The following TBC1D23 variants were observed in gnomAD, a reference collection of about 807,000 sequenced individuals.
The protein encoded by TBC1D23 is TBC1 domain family member 23.
A neutral mutation model predicts 91.4 loss-of-function variants in TBC1D23; 55 were observed. That is an observed-to-expected ratio of 0.60 (90% CI 0.48 to 0.75). TBC1D23 has a LOEUF of 0.75. Among genes scored for constraint, TBC1D23 ranks in the 30% least tolerant of loss-of-function variants. The probability of loss-of-function intolerance (pLI) is 0.00; values close to 1 mark genes in which losing one functional copy is unlikely to be tolerated. For synonymous variants in TBC1D23, 289 were observed against 281.0 expected (o/e 1.03, Z -0.28); for missense variants, 725 against 836.1 (o/e 0.87, Z 1.64).
intron 1 of TBC1D23, among the ~76,000 whole-genome samples, chr3:100,277,482 A>G (rs903607416): frequency 2.6e-5 from 4 of 152,212 alleles, no homozygotes; most frequent in African/African-American, 7.2e-5. Flanking sequence ...CAGCAGCTGT[A>G]TCAACAGAGA....
Position 100,299,244 on chromosome 3 carries a change from A to C in TBC1D23, c.1005A>C (p.Gly335=), listed in dbSNP as rs1329170687. The change falls in exon 10 of 19, where the codon GGA becomes GGC. Residue 335 remains glycine, a synonymous_variant. Transcript: ENST00000394144. ...AAATGTTGTTTCCGTTTTAGGAAGG[A>C]GTCCGGTTCTTTGTGGTGGATTGCC... The part of the protein sequence containing the change: ...ILQANQLQGE[G]VRFFVVDCRP... 5.6e-6 allele frequency: 9 copies of C among 1,609,972 alleles called. No individual in the cohort carries two copies. Among genetic ancestry groups the C allele is most frequent in the Non-Finnish European group, 7.6e-6 (9 of 1,177,166 alleles).
intron 13 of TBC1D23, among the ~76,000 whole-genome samples, chr3:100,309,780 T>C (rs1295261159): frequency 6.6e-6 from 1 of 151,800 alleles, no homozygotes; most frequent in African/African-American, 2.4e-5. Flanking sequence ...CCGGCTAATT[T>C]TTGTACTTTT....
chr3:100,273,199 G>A (rs1414926522), intron 1 of TBC1D23, among the ~76,000 whole-genome samples: 1 of 152,188 alleles, frequency 6.6e-6, no homozygotes, highest in Non-Finnish European at 1.5e-5. Context: ...CTTGAGATTA[G>A]GGAGTGGTGA....
chr3:100,319,042 A>C, intron 16 of TBC1D23, 27 bp from the exon 17 acceptor site: 1 of 1,421,246 alleles, frequency 7.0e-7, no homozygotes, highest in Non-Finnish European at 9.7e-7. Context: ...GGTAATATCC[A>C]TATTTAATAC....
chr3:100,309,573 T>C (rs1415791771), intron 13 of TBC1D23, among the ~76,000 whole-genome samples: 1 of 150,966 alleles, frequency 6.6e-6, no homozygotes, highest in East Asian at 2.0e-4. Flanking sequence ...CACGCACATA[T>C]ATGTGCAAGT....
chr3:100,302,886 C>A (rs149788006), intron 11 of TBC1D23, among the ~76,000 whole-genome samples: 28 of 152,266 alleles, frequency 1.8e-4, no homozygotes, highest in African/African-American at 5.8e-4. Flanking sequence ...CTGTGCCTGG[C>A]CTATTATGTT....
chr3:100,309,400 C>T (rs1705577009), intron 13 of TBC1D23, among the ~76,000 whole-genome samples: 1 of 152,078 alleles, frequency 6.6e-6, no homozygotes, highest in Non-Finnish European at 1.5e-5. Flanking sequence ...ATAGTTTTAA[C>T]TATTTCTTAT....
intron 4 of TBC1D23, among the ~76,000 whole-genome samples, chr3:100,290,009 T>C (rs1449252504): frequency 6.6e-6 from 1 of 152,214 alleles, no homozygotes; most frequent in Non-Finnish European, 1.5e-5. Flanking sequence ...TCCATTTTGC[T>C]CTCACAATAA....
At chr3:100,313,655 C>T (rs561611945) in intron 15 of TBC1D23, among the ~76,000 whole-genome samples, 2 of 152,102 alleles carry the variant, frequency 1.3e-5, no homozygotes, top group African/African-American at 4.8e-5. Context: ...AATGCTTATT[C>T]GCTGTAAACA....
intron 1 of TBC1D23, among the ~76,000 whole-genome samples, chr3:100,262,739 AAAAAAAC>A (rs2067523247): frequency 6.6e-6 from 1 of 151,500 alleles, no homozygotes; most frequent in African/African-American, 2.4e-5. Flanking sequence ...AAAAAAAAAA[AAAAAAAC>A]ACTAAAAAGA....
intron 1 of TBC1D23, among the ~76,000 whole-genome samples, chr3:100,275,507 C>G (rs1193664252): frequency 2.0e-5 from 3 of 152,154 alleles, no homozygotes; most frequent in African/African-American, 7.2e-5. Flanking sequence ...AGGCTGGTCT[C>G]AAACTCCTGG....
At chr3:100,296,725 T>G (rs2148862303) in intron 8 of TBC1D23, among the ~76,000 whole-genome samples, 1 of 151,770 alleles carries the variant, frequency 6.6e-6, no homozygotes, top group Non-Finnish European at 1.5e-5. Context: ...CCGGGCGTGG[T>G]GGTGGGCGCC....
In TBC1D23 at chr3:100,283,796, A is replaced by G. The variant is rs1232731263; in HGVS notation, c.461A>G (p.Asn154Ser). 3.1e-6 allele frequency: 5 copies of G among 1,605,832 alleles called. No homozygotes were observed. The highest frequency in any genetic ancestry group is 1.1e-5 in the South Asian group (1 of 90,892). ...DLYNCFYAIM[N>S]KYIPRDCSQK... is the part of the protein sequence containing the mutation. ...TACAACTGCTTTTATGCCATAATGA[A>G]TAAGTACATTCCCAGGTAAAATATG... Residue 154 changes from asparagine to serine, a missense_variant, in exon 4 of 19, where the codon AAT (asparagine) becomes AGT (serine). By Grantham distance (46) the Asn-to-Ser change is conservative. Transcript: ENST00000394144.
At chr3:100,279,819 T>C in intron 2 of TBC1D23, 59 bp downstream of exon 2, 1 of 1,130,148 alleles carries the variant, frequency 8.8e-7, no homozygotes, top group Non-Finnish European at 1.3e-6. Context: ...TTTTAAAAGT[T>C]TGTTGCTTCA....
chr3:100,283,889 T>G (rs1009250027), intron 4 of TBC1D23, 78 bp downstream of exon 4: 2 of 788,588 alleles, frequency 2.5e-6, no homozygotes, highest in African/African-American at 3.5e-5. Context: ...TTGCTAGATT[T>G]ACTTTGGCGG....
At chr3:100,270,660 G>T (rs187275374) in intron 1 of TBC1D23, among the ~76,000 whole-genome samples, 109 of 152,140 alleles carry the variant, frequency 7.2e-4, no homozygotes, top group Non-Finnish European at 1.2e-3. Context: ...GTTTTCTCTT[G>T]GCTCTGTTTA....
chr3:100,296,198 C>G lies in TBC1D23; in HGVS notation c.799C>G (p.Leu267Val), dbSNP rs764786431. Residue 267 changes from leucine (L) to valine (V), a missense_variant, in exon 8 of 19, where the codon CTG (leucine) becomes GTG (valine). By Grantham distance (32) the Leu-to-Val change is conservative (BLOSUM62 1). Transcript: ENST00000394144. ...IKFLENTPSS[L>V]NIEDIEDLFS... Reference sequence around the variant, plus strand: ...GTTCTTGGAAAATACTCCATCCAGTCTGAATATAGAAGATATAGAAGACCT... The same window carrying G: ...GTTCTTGGAAAATACTCCATCCAGTGTGAATATAGAAGATATAGAAGACCT... 6.3e-7 allele frequency: 1 copy of G among 1,592,030 alleles called. No homozygotes were observed. Among genetic ancestry groups the G allele is most frequent in the South Asian group, 1.1e-5 (1 of 87,196 alleles).
Position 100,295,300 on chromosome 3 carries a change from A to C in TBC1D23, c.726-2A>C. 6.2e-7 allele frequency: 1 copy of C among 1,610,584 alleles called. No individual in the cohort carries two copies. On this transcript the variant is annotated splice_acceptor_variant, in intron 6 of 18. Transcript: ENST00000394144. LOFTEE classifies it high-confidence loss of function. The stretch of plus-strand genomic sequence containing the variant: ...TCAAATTGATTTGATTCCCTTTTAC[A>C]GAGAAGTTATTTTAACACAAGAGTC...
intron 3 of TBC1D23, 102 bp from the exon 4 acceptor site, chr3:100,283,505 A>G (rs2067712473): frequency 1.5e-6 from 1 of 679,186 alleles, no homozygotes; most frequent in Non-Finnish European, 2.5e-6. Flanking sequence ...GTCTTTCTCT[A>G]AATGCACTAA....
Sources: gnomAD v4.1 joint callset for allele counts (sites outside exome capture counted in the v4.1 genomes callset) on GRCh38, gnomAD v4.1.1 for gene constraint, MANE v1.5 for transcripts, NCBI Gene and HGNC (gene_info 2026-07-23, HGNC 2026-07-21) for gene names.